Variants in MICA observed in about 807,000 individuals in gnomAD.
MICA encodes HLA class I antigen.
MICA carries 18 observed loss-of-function variants against 34.3 expected under a neutral mutation model. The observed-to-expected ratio is 0.52, with a 90% CI of 0.36 to 0.78. The LOEUF (loss-of-function observed/expected upper bound fraction) is 0.78. Among genes scored for constraint, MICA ranks in the 30% least tolerant of loss-of-function variants. MICA has a pLI of 0.00. For missense variants in MICA, 333 were observed against 409.4 expected, an observed-to-expected ratio of 0.81 and a Z score of 1.61; for synonymous variants, 135 against 156.9, an observed-to-expected ratio of 0.86 and a Z score of 1.04.
Position 31,403,792 on chromosome 6 carries a change from A to G in MICA, c.70+90A>G. 8.0e-7 allele frequency: 1 copy of G among 1,244,780 alleles called. No homozygotes were observed. The highest frequency in any genetic ancestry group is 2.6e-5 in the Admixed American group (1 of 37,854). The allele number at this position is 1,244,780 out of a possible 1,614,324, so 77.1% of individuals were successfully genotyped here. ...GGGTAGCGGCGAGCGCTGTGCGGTC[A>G]GGGCGGGGCTCCTGTGCCCTGTCGG... On this transcript the variant is annotated intron_variant, in intron 1 of 5. Transcript: ENST00000449934. The surrounding 1 kb of genome is among the most constrained non-coding windows in gnomAD (Gnocchi z 4.7).
At chr6:31,400,763 C>CGTGA (rs1770374361), upstream of MICA, 1 of 150,260 alleles carries the variant, frequency 6.7e-6, no homozygotes, top group Non-Finnish European at 1.5e-5. Flanking sequence ...CCTCTGTGCT[C>CGTGA]GTGAGTGCAT....
At chr6:31,409,293 C>T (rs1366195636) in intron 1 of MICA, among the ~76,000 whole-genome samples, 1 of 130,314 alleles carries the variant, frequency 7.7e-6, no homozygotes, top group East Asian at 2.4e-4. Context: ...TTCTCTGTCT[C>T]TTTGCCAACC....
chr6:31,403,712 G>A lies in MICA; in HGVS notation c.70+10G>A, dbSNP rs765204124. ...CCGGGAGCTGCTGCTGGTGAGTGGC[G>A]TTCCTGGCGGTCCTCGGCGGAGCGG... is the stretch of plus-strand genomic sequence containing the variant. On this transcript the variant is annotated intron_variant, in intron 1 of 5. Transcript: ENST00000449934. The surrounding 1 kb of genome is among the most constrained non-coding windows in gnomAD (Gnocchi z 4.7). 129 of 1,526,658 alleles carry A rather than the reference G, an allele frequency of 8.4e-5. No individual in the cohort carries two copies. The highest frequency in any genetic ancestry group is 1.1e-4 in the Non-Finnish European group (120 of 1,138,872). 94.6% of individuals were successfully genotyped at this position (1,526,658 alleles called of 1,614,324 possible).
chr6:31,412,264 T>C (rs1346458485), intron 4 of MICA, 39 bp downstream of exon 4: 1 of 1,606,534 alleles, frequency 6.2e-7, no homozygotes, highest in African/African-American at 1.3e-5. Context: ...CAGGCCAGGG[T>C]AGGGACAGCA....
At chr6:31,404,169 G>A (rs903962121) in intron 1 of MICA, among the ~76,000 whole-genome samples, 3 of 151,696 alleles carry the variant, frequency 2.0e-5, no homozygotes, top group African/African-American at 7.3e-5. Context: ...CGCAGCTCCT[G>A]GAGTAGGGGC....
rs181578380 is a variant in MICA at position 31,405,861 on chromosome 6, C to T, written c.70+2159C>T. ...GGCTTATTTCACTTCACAGGATGAC[C>T]TCCAGTTCTTTGCAAATGACACGAT... On this transcript the variant is annotated intron_variant, in intron 1 of 5. Coordinates refer to ENST00000449934, the MANE Select transcript of MICA (RefSeq NM_001177519.3). 7.5e-4 allele frequency among the ~76,000 whole-genome samples: 114 copies of T among 151,974 alleles called. 4 individuals carry two copies. Among genetic ancestry groups the T allele is most frequent in the African/African-American group, 2.7e-3 (111 of 41,392 alleles).
chr6:31,411,373 C>A lies in MICA; in HGVS notation c.613+14C>A. ...TGAGGAGAACAGGTACCGACGCTGG[C>A]CAGGGGCTCTCCTCTCCCTCCAATT... On this transcript the variant is annotated intron_variant, in intron 3 of 5. Transcript: ENST00000449934. The surrounding 1 kb of genome is among the most constrained non-coding windows in gnomAD (Gnocchi z 4.3). 1 of 1,544,222 alleles carries A rather than the reference C, an allele frequency of 6.5e-7. No homozygotes were observed. The highest frequency in any genetic ancestry group is 8.7e-7 in the Non-Finnish European group (1 of 1,143,488).
At chr6:31,407,956 C>T (rs1467259186) in intron 1 of MICA, among the ~76,000 whole-genome samples, 1 of 151,800 alleles carries the variant, frequency 6.6e-6, no homozygotes, top group Non-Finnish European at 1.5e-5. Context: ...TCAGTTTTCC[C>T]CCATTCAGTA....
chr6:31,412,374 T>G lies in MICA; in HGVS notation c.942T>G (p.Ala314=). 6.6e-7 allele frequency: 1 copy of G among 1,518,680 alleles called. No individual in the cohort carries two copies. Among genetic ancestry groups the G allele is most frequent in the South Asian group, 1.2e-5 (1 of 84,708 alleles). The allele number at this position is 1,518,680 out of a possible 1,614,324, so 94.1% of individuals were successfully genotyped here. A position where few individuals can be genotyped will look rare whatever the true frequency, so the allele number is the denominator to read the frequency against. The change falls in exon 5 of 6, where the codon GCT becomes GCG. Residue 314 remains alanine, a synonymous_variant. Coordinates refer to ENST00000449934, the MANE Select transcript of MICA (RefSeq NM_001177519.3). ...ATTGGCAGACATTCCATGTTTCTGCTGTTGCTGCTGGCTGCTGCTATTTTT... is the reference window on the plus strand; with the variant it reads ...ATTGGCAGACATTCCATGTTTCTGCGGTTGCTGCTGGCTGCTGCTATTTTT... ...QSHWQTFHVS[A]VAAGCCYFCY...
At chr6:31,412,619 T>C (rs1438703937) in intron 5 of MICA, among the ~76,000 whole-genome samples, 159 bp downstream of exon 5, 1 of 151,730 alleles carries the variant, frequency 6.6e-6, no homozygotes, top group Non-Finnish European at 1.5e-5. Flanking sequence ...AGCATCTCCA[T>C]CTACACCCAT....
upstream of MICA, among the ~76,000 whole-genome samples, chr6:31,402,822 G>A (rs1188657189): frequency 6.6e-6 from 1 of 151,738 alleles, no homozygotes; most frequent in Non-Finnish European, 1.5e-5. Context: ...GATGTCCTAA[G>A]GCAGGCTGGA....
chr6:31,412,933 C>T (rs6933621), intron 5 of MICA, among the ~76,000 whole-genome samples: 52,479 of 149,988 alleles, frequency 0.35, 9,664 homozygotes, highest in African/African-American at 0.44. Flanking sequence ...TCTGCATCCC[C>T]CTCCCCTGTT....
At chr6:31,408,412 A>G (rs1451253760) in intron 1 of MICA, among the ~76,000 whole-genome samples, 1 of 151,972 alleles carries the variant, frequency 6.6e-6, no homozygotes, top group Non-Finnish European at 1.5e-5. Flanking sequence ...AACAGTTTGA[A>G]TAGGACTGAC....
rs925307207 is a variant in MICA at position 31,411,380 on chromosome 6, C to G, written c.613+21C>G. ...AACAGGTACCGACGCTGGCCAGGGG[C>G]TCTCCTCTCCCTCCAATTCTGCTAG... On this transcript the variant is annotated intron_variant, in intron 3 of 5. Coordinates refer to ENST00000449934, the MANE Select transcript of MICA (RefSeq NM_001177519.3). The surrounding 1 kb of genome is among the most constrained non-coding windows in gnomAD (Gnocchi z 4.3). The G allele has an allele frequency of 1.3e-6, 2 of 1,537,996 alleles. No homozygotes were observed. Among genetic ancestry groups the G allele is most frequent in the African/African-American group, 2.8e-5 (2 of 72,472 alleles).
chr6:31,407,898 G>C (rs1770831978), intron 1 of MICA, among the ~76,000 whole-genome samples: 2 of 151,714 alleles, frequency 1.3e-5, no homozygotes, highest in African/African-American at 4.9e-5. Flanking sequence ...CATAACTGTG[G>C]TAAAATTAGT....
At position 31,412,039 on chromosome 6, in the gene MICA, A is replaced by C. The variant is rs1252810433; in HGVS notation, c.706A>C (p.Ile236Leu). The change falls in exon 4 of 6, where the codon ATA becomes CTA. Residue 236 changes from isoleucine (I) to leucine (L), a missense_variant. Ile to Leu is a conservative substitution (Grantham distance 5, BLOSUM62 2). Coordinates refer to ENST00000449934, the MANE Select transcript of MICA (RefSeq NM_001177519.3). Reference protein sequence around the residue: ...RASSFYPRNIILTWRQDGVSL... With the variant: ...RASSFYPRNILLTWRQDGVSL... ...TTCCAGCTTCTATCCCCGGAATATC[A>C]TACTGACCTGGCGTCAGGATGGGGT... The C allele has an allele frequency of 6.2e-7, 1 of 1,612,790 alleles. No individual in the cohort carries two copies. The highest frequency in any genetic ancestry group is 8.5e-7 in the Non-Finnish European group (1 of 1,179,862).
chr6:31,403,234 C>G (rs36222683), upstream of MICA, among the ~76,000 whole-genome samples: 41 of 151,840 alleles, frequency 2.7e-4, 2 homozygotes, highest in African/African-American at 9.9e-4. The surrounding 1 kb of genome is among the most constrained non-coding windows in gnomAD (Gnocchi z 4.7). Context: ...ATGGGGCGGC[C>G]GGCGAAAGGG....
Position 31,403,837 on chromosome 6 carries a change from C to A in MICA, c.70+135C>A. The A allele has an allele frequency of 1.3e-6, 1 of 759,788 alleles. No individual in the cohort carries two copies. Among genetic ancestry groups the A allele is most frequent in the Non-Finnish European group, 2.0e-6 (1 of 491,196 alleles). 47.1% of individuals were successfully genotyped at this position (759,788 alleles called of 1,614,324 possible). A position where few individuals can be genotyped will look rare whatever the true frequency, so the allele number is the denominator to read the frequency against. On this transcript the variant is annotated intron_variant, in intron 1 of 5. Transcript: ENST00000449934. This position sits in a 1 kb window ranked among gnomAD's most constrained non-coding sequence, Gnocchi z 4.7. ...TGTCGGTGGCGCAGGGAGCTGGACG[C>A]GGCCCGTTACCGCCACACTTCAGCC...
rs559563312 is a variant in MICA at position 31,407,417 on chromosome 6, T to G, written c.71-3126T>G. Among the ~76,000 whole-genome samples, 74 of 151,854 alleles carry G rather than the reference T, an allele frequency of 4.9e-4. 1 individual carries two copies. The highest frequency in any genetic ancestry group is 1.7e-3 in the African/African-American group (72 of 41,348). On this transcript the variant is annotated intron_variant, in intron 1 of 5. Coordinates refer to ENST00000449934, the MANE Select transcript of MICA (RefSeq NM_001177519.3). ...GTGCCTGGCTAATTTTCTATTTTTATTAGAGATGGGGTTTCTCTATGTTGG... is the reference window on the plus strand; with the variant it reads ...GTGCCTGGCTAATTTTCTATTTTTAGTAGAGATGGGGTTTCTCTATGTTGG...
Sources: allele counts gnomAD v4.1 joint callset (sites outside exome capture counted in the v4.1 genomes callset), GRCh38; gene constraint gnomAD v4.1.1; non-coding constraint Gnocchi (gnomAD v3.1); transcripts MANE v1.5; gene names NCBI Gene and HGNC (gene_info 2026-07-23, HGNC 2026-07-21).